KIF26B: variants seen among roughly 807,000 people sequenced by gnomAD.
KIF26B encodes kinesin-like protein KIF26B.
A neutral mutation model predicts 151.2 loss-of-function variants in KIF26B; 63 were observed. The ratio of observed to expected loss-of-function variants is 0.42; its 90% CI spans 0.34 to 0.51. The LOEUF is 0.51. KIF26B is among the 20% of genes least tolerant of loss of function. The probability of loss-of-function intolerance (pLI) is 0.07; values close to 1 mark genes in which losing one functional copy is unlikely to be tolerated. For synonymous variants in KIF26B, 1,357 were observed against 1,262.1 expected, an observed-to-expected ratio of 1.08 and a Z score of -1.59; for missense variants, 2,813 against 2,913.6, an observed-to-expected ratio of 0.97 and a Z score of 0.79.
intron 10 of KIF26B, among the ~76,000 whole-genome samples, chr1:245,671,757 G>A (rs10924299): frequency 0.63 from 95,682 of 152,134 alleles, 30,874 homozygotes; most frequent in East Asian, 0.81. Flanking sequence ...AGTAGTGGAT[G>A]ATAATGAGTG....
chr1:245,183,381 A>T (rs1405633411), intron 2 of KIF26B, among the ~76,000 whole-genome samples: 1 of 152,216 alleles, frequency 6.6e-6, no homozygotes, highest in Non-Finnish European at 1.5e-5. Context: ...CAAGATCATG[A>T]AGATTTACTT....
chr1:245,292,734 T>C (rs184165430), intron 2 of KIF26B, among the ~76,000 whole-genome samples: 54 of 152,334 alleles, frequency 3.5e-4, no homozygotes, highest in African/African-American at 1.2e-3. Context: ...TGGAAGTGGC[T>C]GGCAGATCAC....
intron 5 of KIF26B, among the ~76,000 whole-genome samples, chr1:245,554,318 G>A (rs1356919163): frequency 6.6e-6 from 1 of 152,136 alleles, no homozygotes; most frequent in Non-Finnish European, 1.5e-5. Flanking sequence ...AGAACTCCCT[G>A]AACTGAAAAA....
intron 4 of KIF26B, among the ~76,000 whole-genome samples, chr1:245,505,353 T>C (rs763668552): frequency 9.2e-5 from 14 of 151,916 alleles, no homozygotes; most frequent in South Asian, 2.1e-4. Flanking sequence ...TTATAGACAA[T>C]TGAAGTTTTA....
chr1:245,579,598 T>C (rs528181471), intron 5 of KIF26B, among the ~76,000 whole-genome samples: 1 of 151,926 alleles, frequency 6.6e-6, no homozygotes. Flanking sequence ...TCACCTGAGG[T>C]CGGGAGTTCC....
rs545439997 is a variant in KIF26B, at chr1:245,522,083, A to G, written c.1167-18684A>G. Among the ~76,000 whole-genome samples, 23 of 152,044 alleles carry G rather than the reference A, an allele frequency of 1.5e-4. No individual in the cohort carries two copies. In the South Asian group the frequency reaches 3.3e-3, roughly 22 times the overall value. On this transcript the variant is annotated intron_variant, in intron 4 of 14. Coordinates refer to ENST00000407071, the MANE Select transcript of KIF26B (RefSeq NM_018012.4). ...ACGGGGTTTCACCGTGTTAGCCAGGATGGTCTCGATCTCCTGACCTCATGA... is the reference window on the plus strand; with the variant it reads ...ACGGGGTTTCACCGTGTTAGCCAGGGTGGTCTCGATCTCCTGACCTCATGA...
chr1:245,662,551 GATATATATATA>G (rs2044162405), intron 10 of KIF26B, among the ~76,000 whole-genome samples: 9 of 77,116 alleles, frequency 1.2e-4, no homozygotes, highest in South Asian at 4.9e-4. Flanking sequence ...CACACCCAAT[GATATATATATA>G]CACACACCCT....
intron 4 of KIF26B, among the ~76,000 whole-genome samples, chr1:245,498,894 A>G (rs1287128458): frequency 2.0e-5 from 3 of 152,166 alleles, no homozygotes; most frequent in Non-Finnish European, 4.4e-5. Flanking sequence ...TGCATCAGAT[A>G]GTAAATGCAG....
chr1:245,526,075 G>C (rs1416996674), intron 4 of KIF26B, among the ~76,000 whole-genome samples: 1 of 152,170 alleles, frequency 6.6e-6, no homozygotes, highest in Non-Finnish European at 1.5e-5. Flanking sequence ...CAGCTCAACA[G>C]GGCCTGGTTT....
intron 2 of KIF26B, among the ~76,000 whole-genome samples, chr1:245,190,634 G>GTTTTTT (rs149338802): frequency 4.5e-4 from 48 of 106,740 alleles, no homozygotes; most frequent in East Asian, 1.2e-3. Flanking sequence ...TGAATGTTTT[G>GTTTTTT]TTTTGTTTTT....
At position 245,695,692 on chromosome 1, in the gene KIF26B, C is replaced by T. The variant is rs561530291; in HGVS notation, c.5825-2414C>T. Among the ~76,000 whole-genome samples, 16 of 152,238 alleles carry T rather than the reference C, an allele frequency of 1.1e-4. No homozygotes were observed. The East Asian group carries it at 2.1e-3, about 20-fold the overall frequency. On this transcript the variant is annotated intron_variant, in intron 12 of 14. Transcript: ENST00000407071. ...AGGCAATGGGAAGGAAGTAGATACC[C>T]GCCAGGATATTTCTGTGAAGCTGTT... is the stretch of plus-strand genomic sequence containing the variant.
intron 2 of KIF26B, among the ~76,000 whole-genome samples, chr1:245,325,753 C>T (rs772391900): frequency 7.9e-5 from 12 of 152,066 alleles, no homozygotes; most frequent in Non-Finnish European, 1.2e-4. Context: ...ATCCAGCCTT[C>T]TGATTCTAGG....
At chr1:245,508,001 G>A (rs1182941220) in intron 4 of KIF26B, among the ~76,000 whole-genome samples, 4 of 152,114 alleles carry the variant, frequency 2.6e-5, no homozygotes, top group Admixed American at 1.3e-4. Context: ...GTGGAAGATC[G>A]GGTTCCAGAT....
At chr1:245,479,779 G>A (rs188105350) in intron 4 of KIF26B, among the ~76,000 whole-genome samples, 15 of 151,926 alleles carry the variant, frequency 9.9e-5, no homozygotes, top group Middle Eastern at 3.4e-3. Context: ...TCCAGAAACC[G>A]TCAGGTAGCA....
At position 245,614,816 on chromosome 1, in the gene KIF26B, G is replaced by A. The variant is rs538429028; in HGVS notation, c.2098+2840G>A. 6 of 152,380 alleles carry A rather than the reference G, an allele frequency of 3.9e-5. 1 individual carries two copies. Among genetic ancestry groups the A allele is most frequent in the Admixed American group, 3.3e-4 (5 of 15,312 alleles). 9.4% of individuals were successfully genotyped at this position (152,380 alleles called of 1,614,324 possible). The stretch of plus-strand genomic sequence containing the variant: ...TGGTAACAGGCTCACACCATGTAGA[G>A]CGCTTCCGTTTAGAATCACGTTCTT... On this transcript the variant is annotated intron_variant, in intron 9 of 14. Transcript: ENST00000407071.
chr1:245,552,747 A>T (rs549749112), intron 5 of KIF26B, among the ~76,000 whole-genome samples: 4 of 151,840 alleles, frequency 2.6e-5, no homozygotes, highest in African/African-American at 9.7e-5. Flanking sequence ...TTACAGGCAC[A>T]TGCCACCACT....
intron 5 of KIF26B, among the ~76,000 whole-genome samples, chr1:245,554,266 C>T (rs532767643): frequency 2.0e-5 from 3 of 152,296 alleles, no homozygotes; most frequent in Non-Finnish European, 2.9e-5. Context: ...GTTCCTATTG[C>T]GTTCATATCC....
chr1:245,605,015 T>C (rs924428257), intron 6 of KIF26B, among the ~76,000 whole-genome samples: 3 of 152,206 alleles, frequency 2.0e-5, no homozygotes, highest in African/African-American at 7.2e-5. Flanking sequence ...AACCTCTCTG[T>C]ATCCTGCTCG....
At chr1:245,334,484 C>G (rs2102992667) in intron 2 of KIF26B, among the ~76,000 whole-genome samples, 1 of 152,290 alleles carries the variant, frequency 6.6e-6, no homozygotes, top group South Asian at 2.1e-4. Flanking sequence ...TCCGATCAGT[C>G]AGTCCCTCCT....
Sources: gnomAD v4.1 joint callset for allele counts (sites outside exome capture counted in the v4.1 genomes callset) on GRCh38, gnomAD v4.1.1 for gene constraint, MANE v1.5 for transcripts, NCBI Gene and HGNC (gene_info 2026-07-23, HGNC 2026-07-21) for gene names.